The following MTUS2 variants were observed in gnomAD, a reference collection of about 807,000 sequenced individuals.
MTUS2 encodes microtubule associated scaffold protein 2, also known as microtubule-associated tumor suppressor candidate 2.
Under a neutral mutation model 114.1 loss-of-function variants are expected in MTUS2, and 40 were observed. The observed-to-expected ratio is 0.35, with a 90% CI of 0.27 to 0.46. The LOEUF (loss-of-function observed/expected upper bound fraction) is 0.46, where lower values mean the gene tolerates loss of function less well. Among genes scored for constraint, MTUS2 ranks in the 20% least tolerant of loss-of-function variants. The pLI is 1.00. For missense variants in MTUS2, 1,679 were observed against 1,705.4 expected, an observed-to-expected ratio of 0.98 and a Z score of 0.27; for synonymous variants, 688 against 672.0, an observed-to-expected ratio of 1.02 and a Z score of -0.37.
chr13:29,119,602 A>T (rs1227323264), intron 5 of MTUS2, among the ~76,000 whole-genome samples: 2 of 152,222 alleles, frequency 1.3e-5, no homozygotes, highest in Non-Finnish European at 2.9e-5. Flanking sequence ...TTGCAGGGAA[A>T]GATTCCGGTC....
chr13:29,232,032 T>C (rs184116367), intron 5 of MTUS2, among the ~76,000 whole-genome samples: 72 of 152,316 alleles, frequency 4.7e-4, no homozygotes, highest in Non-Finnish European at 7.4e-4. Context: ...CTAATGGTAA[T>C]TTACATTTGG....
intron 7 of MTUS2, among the ~76,000 whole-genome samples, chr13:29,347,786 T>C (rs961023769): frequency 6.6e-6 from 1 of 152,236 alleles, no homozygotes; most frequent in African/African-American, 2.4e-5. Flanking sequence ...CTGACTTGGC[T>C]ACAAATTGGA....
chr13:29,320,803 C>A (rs1900221087), intron 6 of MTUS2, among the ~76,000 whole-genome samples: 1 of 152,102 alleles, frequency 6.6e-6, no homozygotes, highest in Non-Finnish European at 1.5e-5. Context: ...TTGTAGTTGT[C>A]CCAACAAGAA....
At chr13:29,385,772 G>GC (rs1734589280) in intron 8 of MTUS2, among the ~76,000 whole-genome samples, 2 of 152,152 alleles carry the variant, frequency 1.3e-5, no homozygotes, top group Non-Finnish European at 2.9e-5. Context: ...CCAAGCATGA[G>GC]CCAAAGTGAG....
At chr13:28,899,608 C>T (rs1018098837) in intron 2 of MTUS2, among the ~76,000 whole-genome samples, 4 of 152,032 alleles carry the variant, frequency 2.6e-5, no homozygotes, top group Admixed American at 6.6e-5. Flanking sequence ...GACGGGGTTT[C>T]ACCCTGTTAG....
chr13:28,973,771 G>A (rs1426591758), intron 2 of MTUS2, among the ~76,000 whole-genome samples: 1 of 152,228 alleles, frequency 6.6e-6, no homozygotes, highest in Non-Finnish European at 1.5e-5. Context: ...ATGTGGAAAG[G>A]AGAGGCTGGG....
intron 1 of MTUS2, among the ~76,000 whole-genome samples, chr13:28,835,891 G>A (rs535988177): frequency 1.3e-5 from 2 of 152,288 alleles, no homozygotes; most frequent in South Asian, 4.1e-4. Flanking sequence ...AGCTTTTCGT[G>A]TAGGGACAAA....
chr13:29,017,184 C>T (rs2138444014), intron 2 of MTUS2, among the ~76,000 whole-genome samples: 1 of 152,256 alleles, frequency 6.6e-6, no homozygotes, highest in Non-Finnish European at 1.5e-5. Flanking sequence ...GTAGAGATGC[C>T]AACTAAACTT....
At chr13:29,473,306 A>T (rs1031259768) in intron 9 of MTUS2, among the ~76,000 whole-genome samples, 6 of 152,234 alleles carry the variant, frequency 3.9e-5, no homozygotes, top group Admixed American at 1.3e-4. Flanking sequence ...GTTTCAGTCT[A>T]GTTCCGTAAC....
intron 5 of MTUS2, among the ~76,000 whole-genome samples, chr13:29,195,316 C>G (rs373143958): frequency 6.6e-6 from 1 of 151,468 alleles, no homozygotes; most frequent in East Asian, 1.9e-4. Context: ...GAAAGGTTAT[C>G]AAGAAGAAAA....
intron 4 of MTUS2, among the ~76,000 whole-genome samples, chr13:29,055,264 T>A (rs1888080509): frequency 6.6e-6 from 1 of 152,154 alleles, no homozygotes; most frequent in South Asian, 2.1e-4. Flanking sequence ...CTGAATTTAC[T>A]GGCTTTCATT....
intron 8 of MTUS2, among the ~76,000 whole-genome samples, chr13:29,438,243 T>TTTCCC (rs1265408102): frequency 1.3e-5 from 2 of 152,090 alleles, no homozygotes; most frequent in African/African-American, 4.8e-5. Flanking sequence ...TCAGATGTAG[T>TTTCCC]TGTTAACTCT....
intron 12 of MTUS2, among the ~76,000 whole-genome samples, 169 bp downstream of exon 12, chr13:29,492,888 C>G (rs1165506812): frequency 1.3e-5 from 2 of 152,178 alleles, no homozygotes; most frequent in Non-Finnish European, 2.9e-5. Context: ...GCTGTCTGCT[C>G]AGAAAGCTGT....
chr13:29,220,525 A>AT (rs1895866039), intron 5 of MTUS2, among the ~76,000 whole-genome samples: 1 of 152,154 alleles, frequency 6.6e-6, no homozygotes, highest in Non-Finnish European at 1.5e-5. Context: ...TAATTTCAAT[A>AT]TTGTTGTGCC....
intron 6 of MTUS2, among the ~76,000 whole-genome samples, chr13:29,316,479 G>A (rs918983939): frequency 2.6e-5 from 4 of 152,126 alleles, no homozygotes; most frequent in East Asian, 1.9e-4. Flanking sequence ...CTTAGTCACC[G>A]CCTTCCTGCC....
chr13:28,915,192 A>G (rs1474059933), intron 2 of MTUS2, among the ~76,000 whole-genome samples: 1 of 151,722 alleles, frequency 6.6e-6, no homozygotes, highest in East Asian at 1.9e-4. Flanking sequence ...TTATTTATTC[A>G]TCTGTTGATG....
intron 5 of MTUS2, among the ~76,000 whole-genome samples, chr13:29,127,460 G>T (rs572891125): frequency 6.6e-6 from 1 of 152,260 alleles, no homozygotes; most frequent in Non-Finnish European, 1.5e-5. Context: ...GCCTGGGTGA[G>T]CCTCATCCAA....
chr13:28,985,519 C>T (rs1407230605), intron 2 of MTUS2, among the ~76,000 whole-genome samples: 2 of 149,368 alleles, frequency 1.3e-5, no homozygotes, highest in Non-Finnish European at 3.0e-5. Flanking sequence ...AAATTTGTTC[C>T]TTATATTTTA....
chr13:29,066,759 A>G (rs1888684306), intron 4 of MTUS2, among the ~76,000 whole-genome samples: 1 of 152,256 alleles, frequency 6.6e-6, no homozygotes, highest in Admixed American at 6.5e-5. Flanking sequence ...CCATAACTTA[A>G]TGGGTATATA....
Sources: allele counts gnomAD v4.1 joint callset (sites outside exome capture counted in the v4.1 genomes callset), GRCh38; gene constraint gnomAD v4.1.1; transcripts MANE v1.5; gene names NCBI Gene and HGNC (gene_info 2026-07-23, HGNC 2026-07-21).